Variants in NARS2 observed in about 807,000 individuals in gnomAD.
NARS2 encodes asparaginyl-tRNA synthetase 2, mitochondrial.
In NARS2, 60 loss-of-function variants were observed where a neutral mutation model predicts 62.9. That is an observed-to-expected ratio of 0.95 (90% CI 0.77 to 1.18). The LOEUF is 1.18. Among genes scored for constraint, NARS2 ranks in the 50% most tolerant of loss-of-function variants. The probability of loss-of-function intolerance (pLI) is 0.00; values close to 1 mark genes in which losing one functional copy is unlikely to be tolerated. For missense variants in NARS2, 619 were observed against 576.4 expected, an observed-to-expected ratio of 1.07 and a Z score of -0.76; for synonymous variants, 196 against 200.0, an observed-to-expected ratio of 0.98 and a Z score of 0.17.
intron 5 of NARS2, among the ~76,000 whole-genome samples, chr11:78,541,581 G>A (rs1855623954): frequency 6.6e-6 from 1 of 152,080 alleles, no homozygotes; most frequent in Non-Finnish European, 1.5e-5. Context: ...GTAGTGGAGG[G>A]TGCCTGTAAT....
At chr11:78,442,623 C>CT (rs1195764431) in intron 12 of NARS2, among the ~76,000 whole-genome samples, 105 of 75,498 alleles carry the variant, frequency 1.4e-3, no homozygotes, top group East Asian at 2.9e-3. Context: ...TAAAGTCTTT[C>CT]TTTTTTTTTT....
At chr11:78,545,601 T>G (rs1855839979) in intron 5 of NARS2, among the ~76,000 whole-genome samples, 1 of 148,634 alleles carries the variant, frequency 6.7e-6, no homozygotes, top group South Asian at 2.2e-4. Context: ...CTCGGCTCAC[T>G]GCAACCTCCA....
At chr11:78,563,353 G>A (rs1158766887) in intron 4 of NARS2, among the ~76,000 whole-genome samples, 1 of 151,252 alleles carries the variant, frequency 6.6e-6, no homozygotes, top group Non-Finnish European at 1.5e-5. Context: ...AAGTAGCTGG[G>A]ACTACAGGCA....
At chr11:78,495,013 A>G (rs1859997609) in intron 6 of NARS2, among the ~76,000 whole-genome samples, 1 of 152,124 alleles carries the variant, frequency 6.6e-6, no homozygotes, top group African/African-American at 2.4e-5. Context: ...CTATCTCCAC[A>G]GCTATTGTCA....
intron 9 of NARS2, among the ~76,000 whole-genome samples, chr11:78,470,803 A>G (rs1340966621): frequency 2.0e-5 from 3 of 151,876 alleles, no homozygotes; most frequent in Admixed American, 6.6e-5. Flanking sequence ...CCCCTTTTAT[A>G]TCAATTTATA....
chr11:78,509,896 A>G (rs1260397591), intron 6 of NARS2, among the ~76,000 whole-genome samples: 2 of 151,930 alleles, frequency 1.3e-5, no homozygotes, highest in Non-Finnish European at 1.5e-5. Flanking sequence ...ACTGAAGTTG[A>G]GCTGGTATAA....
At chr11:78,470,250 G>GT (rs1858811354) in intron 9 of NARS2, among the ~76,000 whole-genome samples, 1 of 152,128 alleles carries the variant, frequency 6.6e-6, no homozygotes, top group Non-Finnish European at 1.5e-5. Context: ...CATGCCTAAA[G>GT]TAAGTCAAAG....
chr11:78,476,683 A>G (rs1486476293), intron 9 of NARS2, among the ~76,000 whole-genome samples: 1 of 152,236 alleles, frequency 6.6e-6, no homozygotes, highest in Non-Finnish European at 1.5e-5. Flanking sequence ...AACTGCAACT[A>G]TGATTTGTAG....
At chr11:78,510,341 C>G (rs1860674648) in intron 6 of NARS2, among the ~76,000 whole-genome samples, 1 of 152,064 alleles carries the variant, frequency 6.6e-6, no homozygotes, top group South Asian at 2.1e-4. Context: ...ATACTATTAT[C>G]AAACAAAACA....
At chr11:78,536,293 CCTA>C (rs376417099) in intron 5 of NARS2, among the ~76,000 whole-genome samples, 17 of 152,098 alleles carry the variant, frequency 1.1e-4, no homozygotes, top group African/African-American at 4.1e-4. Context: ...AGAGTGTACT[CCTA>C]CTTATTAAAA....
intron 7 of NARS2, among the ~76,000 whole-genome samples, chr11:78,487,025 A>G (rs1859603824): frequency 2.0e-5 from 3 of 152,162 alleles, no homozygotes; most frequent in African/African-American, 7.2e-5. Flanking sequence ...GTTTGAAGAC[A>G]GTTCAGTTGA....
intron 11 of NARS2, among the ~76,000 whole-genome samples, chr11:78,451,691 G>A (rs1446931397): frequency 2.0e-5 from 3 of 152,188 alleles, no homozygotes; most frequent in Non-Finnish European, 4.4e-5. Context: ...CTACAGCAGA[G>A]ATTAGATTTT....
At chr11:78,488,712 T>C (rs1204395592) in intron 7 of NARS2, among the ~76,000 whole-genome samples, 3 of 152,168 alleles carry the variant, frequency 2.0e-5, no homozygotes, top group African/African-American at 4.8e-5. Flanking sequence ...GGGAAATACA[T>C]AGTAGTAAGA....
chr11:78,492,692 T>A (rs145385030), intron 7 of NARS2, among the ~76,000 whole-genome samples: 1 of 152,218 alleles, frequency 6.6e-6, no homozygotes, highest in Non-Finnish European at 1.5e-5. Flanking sequence ...AGAGCTACTA[T>A]TTAGTGAACC....
At position 78,574,401 on chromosome 11, in the gene NARS2, C is replaced by A. The variant is rs1333548331; in HGVS notation, c.88G>T (p.Val30Leu). The A allele has an allele frequency of 1.2e-6, 2 of 1,614,210 alleles. No individual in the cohort carries two copies. The highest frequency in any genetic ancestry group is 1.7e-6 in the Non-Finnish European group (2 of 1,180,038). The change falls in exon 1 of 14, where the codon GTG becomes TTG. Residue 30 changes from valine to leucine, a missense_variant. Transcript: ENST00000281038. ...PKHKPSAKLS[V>L]RDALGAQNAS... ...TTCTGAGCCCCGAGAGCGTCCCGCA[C>A]GCTCAGTTTGGCTGAAGGTTTGTGC...
intron 9 of NARS2, among the ~76,000 whole-genome samples, chr11:78,477,464 C>G (rs561433397): frequency 4.4e-4 from 67 of 152,300 alleles, no homozygotes; most frequent in Non-Finnish European, 7.1e-4. Flanking sequence ...TCACCCTTAA[C>G]TCCTCTCTCT....
intron 5 of NARS2, among the ~76,000 whole-genome samples, chr11:78,543,913 C>A (rs10899548): frequency 0.66 from 100,056 of 151,160 alleles, 35,731 homozygotes; most frequent in Non-Finnish European, 0.81. Flanking sequence ...CACCTGTAGT[C>A]CCAGCTACTC....
chr11:78,476,863 T>C (rs1045576023), intron 9 of NARS2, among the ~76,000 whole-genome samples: 6 of 152,166 alleles, frequency 3.9e-5, no homozygotes, highest in African/African-American at 9.7e-5. Flanking sequence ...TTAATTCCAG[T>C]ACCCTCCCAA....
chr11:78,564,581 G>A (rs528768041), intron 4 of NARS2, among the ~76,000 whole-genome samples: 1 of 152,146 alleles, frequency 6.6e-6, no homozygotes, highest in African/African-American at 2.4e-5. Flanking sequence ...TCAATGTATA[G>A]TGTAGTCTAC....
Sources: gnomAD v4.1 joint callset for allele counts (sites outside exome capture counted in the v4.1 genomes callset) on GRCh38, gnomAD v4.1.1 for gene constraint, MANE v1.5 for transcripts, NCBI Gene and HGNC (gene_info 2026-07-23, HGNC 2026-07-21) for gene names.